The following TMEM272 variants were observed in gnomAD, a reference collection of about 807,000 sequenced individuals.
The protein encoded by TMEM272 is transmembrane protein 272.
A neutral mutation model predicts 3.7 loss-of-function variants in TMEM272; 8 were observed. The ratio of observed to expected loss-of-function variants is 2.17; its 90% confidence interval spans 1.27 to 3.91. The LOEUF (loss-of-function observed/expected upper bound fraction) is 3.91. Among genes scored for constraint, TMEM272 ranks in the 30% most tolerant of loss-of-function variants. The probability of loss-of-function intolerance (pLI) is 0.00; values close to 1 mark genes in which losing one functional copy is unlikely to be tolerated. For synonymous variants in TMEM272, 63 were observed against 39.8 expected, an observed-to-expected ratio of 1.58 and a Z score of -2.20; for missense variants, 166 against 91.5, an observed-to-expected ratio of 1.81 and a Z score of -3.32.
chr13:51,835,502 G>A (rs1288363701), intron 2 of TMEM272, among the ~76,000 whole-genome samples: 1 of 152,162 alleles, frequency 6.6e-6, no homozygotes, highest in Non-Finnish European at 1.5e-5. Flanking sequence ...GGGATTACAG[G>A]CGTGAGCCAC....
At chr13:51,898,032 G>A in the TMEM272 span, among the ~76,000 whole-genome samples, 1 of 151,112 alleles carries the variant, frequency 6.6e-6, no homozygotes, top group African/African-American at 2.4e-5. Flanking sequence ...AGACCATCCT[G>A]GCCAACATGG....
At position 51,826,644 on chromosome 13, in the gene TMEM272, G is replaced by A. The variant is rs1956128326; in HGVS notation, c.59-19C>T. 4.3e-6 allele frequency: 3 copies of A among 702,410 alleles called. No homozygotes were observed. Among genetic ancestry groups the A allele is most frequent in the Non-Finnish European group, 7.8e-6 (3 of 384,990 alleles). The allele number at this position is 702,410 out of a possible 1,614,324, so 43.5% of individuals were successfully genotyped here. A position where few individuals can be genotyped will look rare whatever the true frequency, so the allele number is the denominator to read the frequency against. ...AAGCAGGCTGCAAGGAGAAGAAGGG[G>A]CAGGCACTGGGTTAGAAACACACAG... On this transcript the variant is annotated intron_variant, in intron 2 of 4. Transcript: ENST00000629372.
chr13:51,834,583 T>C (rs1956199159), intron 2 of TMEM272, among the ~76,000 whole-genome samples: 1 of 152,146 alleles, frequency 6.6e-6, no homozygotes, highest in Non-Finnish European at 1.5e-5. Flanking sequence ...ACTCTCTGTT[T>C]AGTATGTTGA....
intron 2 of TMEM272, among the ~76,000 whole-genome samples, chr13:51,829,829 G>C (rs948311679): frequency 6.6e-6 from 1 of 151,856 alleles, no homozygotes; most frequent in African/African-American, 2.4e-5. Context: ...TGTGGCATAA[G>C]GGTTATTTGG....
At chr13:51,832,178 G>A (rs1191354522) in intron 2 of TMEM272, among the ~76,000 whole-genome samples, 3 of 152,146 alleles carry the variant, frequency 2.0e-5, no homozygotes, top group South Asian at 2.1e-4. Flanking sequence ...CTGCTCTCAC[G>A]ACTGCTGATT....
upstream of TMEM272, among the ~76,000 whole-genome samples, chr13:51,847,540 T>C (rs9535772): frequency 0.41 from 62,219 of 152,088 alleles, 13,657 homozygotes; most frequent in Admixed American, 0.49. Context: ...GTGAATACAT[T>C]CTATGACCTT....
At chr13:51,870,795 G>A in the TMEM272 span, among the ~76,000 whole-genome samples, 18 of 152,154 alleles carry the variant, frequency 1.2e-4, no homozygotes, top group East Asian at 1.9e-4. Context: ...CCTGAAGCAC[G>A]GGGATAGATG....
intron 4 of TMEM272, among the ~76,000 whole-genome samples, chr13:51,820,999 G>A (rs1372595727): frequency 6.6e-6 from 1 of 152,216 alleles, no homozygotes; most frequent in Non-Finnish European, 1.5e-5. Context: ...ACAGAGTTGA[G>A]CTTGTGGCTA....
At chr13:51,922,197 C>A in the TMEM272 span, among the ~76,000 whole-genome samples, 1 of 152,204 alleles carries the variant, frequency 6.6e-6, no homozygotes, top group Non-Finnish European at 1.5e-5. Context: ...TTGGGAAATG[C>A]TGGGCACATG....
chr13:51,931,126 G>T, the TMEM272 span, among the ~76,000 whole-genome samples: 1 of 152,076 alleles, frequency 6.6e-6, no homozygotes, highest in East Asian at 1.9e-4. Context: ...GTATCCAAAG[G>T]ATTATAAATC....
At chr13:51,862,457 TCTTA>T in the TMEM272 span, among the ~76,000 whole-genome samples, 1 of 152,230 alleles carries the variant, frequency 6.6e-6, no homozygotes, top group Non-Finnish European at 1.5e-5. Context: ...TTTCTTTCTT[TCTTA>T]AAGAAAGTTT....
chr13:51,931,944 C>T, the TMEM272 span, among the ~76,000 whole-genome samples: 2 of 152,146 alleles, frequency 1.3e-5, no homozygotes, highest in South Asian at 4.2e-4. Flanking sequence ...GACTATGCCA[C>T]CAGCATGTCT....
chr13:51,865,140 A>G, the TMEM272 span, among the ~76,000 whole-genome samples: 3 of 152,222 alleles, frequency 2.0e-5, no homozygotes, highest in African/African-American at 7.2e-5. Context: ...TTGAGCTTGA[A>G]TGTACTGACT....
chr13:51,860,841 A>ATG, the TMEM272 span, among the ~76,000 whole-genome samples: 1 of 140,980 alleles, frequency 7.1e-6, no homozygotes, highest in Non-Finnish European at 1.5e-5. Context: ...GTGTGTGTGT[A>ATG]TATATATGTA....
At chr13:51,875,332 T>TC in the TMEM272 span, among the ~76,000 whole-genome samples, 1 of 152,182 alleles carries the variant, frequency 6.6e-6, no homozygotes, top group Non-Finnish European at 1.5e-5. Context: ...ATTTTTTTTT[T>TC]CAACCAAGTT....
the TMEM272 span, among the ~76,000 whole-genome samples, chr13:51,870,171 G>A: frequency 2.6e-5 from 4 of 152,240 alleles, no homozygotes; most frequent in Non-Finnish European, 4.4e-5. Context: ...AGGGGGTCAT[G>A]AAGGAGGGGA....
rs571075640 is a variant in TMEM272 at position 51,839,104 on chromosome 13, C to T, written c.-23-551G>A. On this transcript the variant is annotated intron_variant, in intron 1 of 4. Coordinates refer to ENST00000629372, the MANE Select transcript of TMEM272 (RefSeq NM_001351003.2). ...GCTGCTGCACTCCCCAGGGTCCAAG[C>T]GGAAGAGGAACCATGGACTTGACCA... 3.5e-4 allele frequency among the ~76,000 whole-genome samples: 53 copies of T among 152,096 alleles called. 1 individual carries two copies. Among genetic ancestry groups the T allele is most frequent in the South Asian group, 1.9e-3 (9 of 4,808 alleles).
At chr13:51,904,056 C>CA in the TMEM272 span, among the ~76,000 whole-genome samples, 1 of 151,794 alleles carries the variant, frequency 6.6e-6, no homozygotes, top group Non-Finnish European at 1.5e-5. Context: ...AGTGAACACT[C>CA]AATCTAACAC....
chr13:51,884,156 C>A, the TMEM272 span, among the ~76,000 whole-genome samples: 1 of 152,142 alleles, frequency 6.6e-6, no homozygotes, highest in Non-Finnish European at 1.5e-5. Flanking sequence ...GGCCAGAATT[C>A]TATAATAGTT....
Sources: allele counts gnomAD v4.1 joint callset (sites outside exome capture counted in the v4.1 genomes callset), GRCh38; gene constraint gnomAD v4.1.1; transcripts MANE v1.5; gene names NCBI Gene and HGNC (gene_info 2026-07-23, HGNC 2026-07-21).